The following FAM184B variants were observed in gnomAD, a reference collection of about 807,000 sequenced individuals.
The protein encoded by FAM184B is family with sequence similarity 184 member B.
In FAM184B, 111 loss-of-function variants were observed where a neutral mutation model predicts 135.9. That is an observed-to-expected ratio of 0.82 (90% confidence interval 0.70 to 0.96). The LOEUF (loss-of-function observed/expected upper bound fraction) is 0.96, where lower values mean the gene tolerates loss of function less well. Among genes scored for constraint, FAM184B ranks in the 40% least tolerant of loss-of-function variants. The pLI, the probability that FAM184B is intolerant of heterozygous loss-of-function variation, is 0.00. For synonymous variants in FAM184B, 552 were observed against 524.8 expected, an observed-to-expected ratio of 1.05 and a Z score of -0.71; for missense variants, 1,375 against 1,323.9, an observed-to-expected ratio of 1.04 and a Z score of -0.60.
chr4:17,716,807 C>CT (rs1717408234), intron 1 of FAM184B, among the ~76,000 whole-genome samples: 1 of 151,962 alleles, frequency 6.6e-6, no homozygotes, highest in African/African-American at 2.4e-5. Flanking sequence ...AGAGCTTACC[C>CT]TTTATTTTAT....
At chr4:17,682,087 G>A (rs1716455320) in intron 7 of FAM184B, among the ~76,000 whole-genome samples, 1 of 152,132 alleles carries the variant, frequency 6.6e-6, no homozygotes, top group African/African-American at 2.4e-5. Flanking sequence ...TTATAGAGAC[G>A]AGATGACTTA....
rs776941083 is a variant in FAM184B, at chr4:17,705,764, G to T, written c.1158C>A (p.Gly386=). The stretch of plus-strand genomic sequence containing the variant: ...GGTCAGACACTACCTGCATATCTGT[G>T]CCTCCTTTCATGCAAGGGCACTCCT... ...CLKECPCMKG[G]TDMQTKKEAS... is the part of the protein sequence containing the mutation. The change falls in exon 4 of 18, where the codon GGC becomes GGA. Residue 386 remains glycine (G), a synonymous_variant. Coordinates refer to ENST00000265018, the MANE Select transcript of FAM184B (RefSeq NM_015688.2). 1.5e-5 allele frequency: 23 copies of T among 1,551,634 alleles called. No homozygotes were observed. The highest frequency in any genetic ancestry group is 2.4e-5 in the East Asian group (1 of 40,936).
chr4:17,766,752 G>C (rs1319493941), intron 1 of FAM184B, among the ~76,000 whole-genome samples: 1 of 152,252 alleles, frequency 6.6e-6, no homozygotes, highest in Non-Finnish European at 1.5e-5. Flanking sequence ...TTCACCTAGA[G>C]GATCCCGCAC....
chr4:17,680,113 A>G (rs1716401867), intron 7 of FAM184B, among the ~76,000 whole-genome samples: 1 of 152,184 alleles, frequency 6.6e-6, no homozygotes, highest in Non-Finnish European at 1.5e-5. Flanking sequence ...ACATCTCAGA[A>G]ATCAGCACTA....
chr4:17,644,804 G>A (rs1715421621), intron 12 of FAM184B, among the ~76,000 whole-genome samples: 1 of 152,198 alleles, frequency 6.6e-6, no homozygotes, highest in South Asian at 2.1e-4. Flanking sequence ...GTCCCTGTTT[G>A]CAGACGACAT....
chr4:17,649,155 T>A (rs1477846945), intron 11 of FAM184B, among the ~76,000 whole-genome samples: 1 of 152,210 alleles, frequency 6.6e-6, no homozygotes, highest in Admixed American at 6.5e-5. Flanking sequence ...AATAAACAAA[T>A]GATCTTTAGA....
chr4:17,771,597 C>T (rs940477880), intron 1 of FAM184B, among the ~76,000 whole-genome samples: 1 of 152,172 alleles, frequency 6.6e-6, no homozygotes, highest in Non-Finnish European at 1.5e-5. Context: ...AGGATATTTT[C>T]AGAAAAGCGA....
At position 17,781,301 on chromosome 4, in the gene FAM184B, G is replaced by A. The variant is rs1261519386; in HGVS notation, c.-2C>T. On this transcript the variant is annotated 5_prime_UTR_variant, in exon 1 of 18. Transcript: ENST00000265018. This position sits in a 1 kb window ranked among gnomAD's most constrained non-coding sequence, Gnocchi z 6.5. ...TTTGCTGTTGAGAGCAGAAGCCATC[G>A]CTAAAACGCGCCCAGCACTCAGACT... The A allele has an allele frequency of 6.5e-7, 1 of 1,529,186 alleles. No homozygotes were observed. Among genetic ancestry groups the A allele is most frequent in the South Asian group, 1.2e-5 (1 of 82,366 alleles). The allele number at this position is 1,529,186 out of a possible 1,614,324, so 94.7% of individuals were successfully genotyped here.
In FAM184B at chr4:17,718,480, T is replaced by C. The variant is rs1282989019; in HGVS notation, c.142-8836A>G. 2.0e-5 allele frequency among the ~76,000 whole-genome samples: 3 copies of C among 152,322 alleles called. No individual in the cohort carries two copies. The East Asian group carries it at 5.8e-4, about 29-fold the overall frequency. ...GAGGGGCTTATAGGCTAGTAGAGTG[T>C]GGCAGACTACATTATTTGTCCGTAT... On this transcript the variant is annotated intron_variant, in intron 1 of 17. Coordinates refer to ENST00000265018, the MANE Select transcript of FAM184B (RefSeq NM_015688.2).
At chr4:17,700,847 T>C (rs925700390) in intron 5 of FAM184B, among the ~76,000 whole-genome samples, 1 of 151,884 alleles carries the variant, frequency 6.6e-6, no homozygotes, top group African/African-American at 2.4e-5. Flanking sequence ...TCTAGAAATG[T>C]CCCAAATAGT....
intron 6 of FAM184B, among the ~76,000 whole-genome samples, chr4:17,691,503 C>T (rs748015356): frequency 6.6e-6 from 1 of 151,780 alleles, no homozygotes; most frequent in Non-Finnish European, 1.5e-5. Flanking sequence ...CTGGGCAACA[C>T]GGTGAAACCC....
intron 1 of FAM184B, among the ~76,000 whole-genome samples, chr4:17,722,636 C>G (rs1717555469): frequency 6.6e-6 from 1 of 152,278 alleles, no homozygotes; most frequent in Middle Eastern, 3.4e-3. Flanking sequence ...CAGGAAGGTT[C>G]TTAATGAGAG....
chr4:17,752,796 C>T (rs114515138), intron 1 of FAM184B, among the ~76,000 whole-genome samples: 15 of 152,314 alleles, frequency 9.8e-5, no homozygotes, highest in South Asian at 4.1e-4. Flanking sequence ...CTAATATCAT[C>T]GCTGAAAAAG....
chr4:17,674,955 G>A (rs1020034434), intron 7 of FAM184B, among the ~76,000 whole-genome samples: 1 of 152,100 alleles, frequency 6.6e-6, no homozygotes, highest in African/African-American at 2.4e-5. Flanking sequence ...TCATCCATGA[G>A]GGTTGGAATC....
At chr4:17,664,753 A>C in intron 7 of FAM184B, 94 bp from the exon 8 acceptor site, 5 of 1,064,216 alleles carry the variant, frequency 4.7e-6, no homozygotes, top group Non-Finnish European at 6.7e-6. Context: ...CAAATCAGAG[A>C]GCAGAGAAGA....
intron 1 of FAM184B, among the ~76,000 whole-genome samples, chr4:17,742,852 A>G (rs1718074406): frequency 6.6e-6 from 1 of 152,224 alleles, no homozygotes; most frequent in African/African-American, 2.4e-5. Flanking sequence ...CCAAGAGGGC[A>G]AGAACCTGGG....
At chr4:17,774,571 G>C (rs909564020) in intron 1 of FAM184B, among the ~76,000 whole-genome samples, 3 of 152,188 alleles carry the variant, frequency 2.0e-5, no homozygotes, top group Non-Finnish European at 1.5e-5. Flanking sequence ...TACCTCCTCT[G>C]GGTGCATTTT....
chr4:17,706,251 G>A (rs758860725), intron 3 of FAM184B, among the ~76,000 whole-genome samples: 1 of 152,190 alleles, frequency 6.6e-6, no homozygotes, highest in Non-Finnish European at 1.5e-5. Context: ...GAATGACTAA[G>A]TTTTCCTCCC....
In FAM184B at chr4:17,630,252, C is replaced by T. The variant is rs1187881325; in HGVS notation, c.*2280G>A. The T allele has an allele frequency of 6.6e-6, 1 of 152,216 alleles. No homozygotes were observed. The highest frequency in any genetic ancestry group is 1.9e-4 in the East Asian group (1 of 5,192). 9.4% of individuals were successfully genotyped at this position (152,216 alleles called of 1,614,324 possible). A position where few individuals can be genotyped will look rare whatever the true frequency, so the allele number is the denominator to read the frequency against. ...ATAAAGAGCAGTCCTACAGGGTTCA[C>T]TGCTATGTCCTGAATGTTGATGTCC... On this transcript the variant is annotated 3_prime_UTR_variant, in exon 18 of 18. Coordinates refer to ENST00000265018, the MANE Select transcript of FAM184B (RefSeq NM_015688.2).
Sources: gnomAD v4.1 joint callset for allele counts (sites outside exome capture counted in the v4.1 genomes callset) on GRCh38, gnomAD v4.1.1 for gene constraint, Gnocchi (gnomAD v3.1) non-coding constraint, MANE v1.5 for transcripts, NCBI Gene and HGNC (gene_info 2026-07-23, HGNC 2026-07-21) for gene names.